MYT1: variants seen among roughly 807,000 people sequenced by gnomAD.
MYT1 encodes the protein myelin transcription factor 1, also known as myelin transcription factor I.
MYT1 carries 23 observed loss-of-function variants against 123.0 expected under a neutral mutation model. That is an observed-to-expected ratio of 0.19 (90% CI 0.13 to 0.26). The LOEUF (loss-of-function observed/expected upper bound fraction) is 0.26. Ranked by LOEUF, MYT1 falls within the 10% of genes least tolerant of loss-of-function variation. The pLI, the probability that MYT1 is intolerant of heterozygous loss-of-function variation, is 1.00. For synonymous variants in MYT1, 518 were observed against 575.3 expected, an observed-to-expected ratio of 0.90 and a Z score of 1.43; for missense variants, 1,125 against 1,472.5, an observed-to-expected ratio of 0.76 and a Z score of 3.86.
rs1005049542 is a variant in MYT1, at chr20:64,167,522, G to A, written c.-99+2783G>A. Among the ~76,000 whole-genome samples the A allele has an allele frequency of 3.3e-5, 5 of 152,130 alleles. No individual in the cohort carries two copies. Among genetic ancestry groups the A allele is most frequent in the Non-Finnish European group, 2.9e-5 (2 of 68,024 alleles). ...TGTGGGGTGGGTGGGGGCTGCTGGC[G>A]GTCACCTGATCTGCGAGCAGGCAGG... is the stretch of plus-strand genomic sequence containing the variant. On this transcript the variant is annotated intron_variant, in intron 1 of 22. Coordinates refer to ENST00000328439, the MANE Select transcript of MYT1 (RefSeq NM_004535.3). This position sits in a 1 kb window ranked among gnomAD's most constrained non-coding sequence, Gnocchi z 6.3.
intron 5 of MYT1, among the ~76,000 whole-genome samples, 183 bp from the exon 6 acceptor site, chr20:64,205,370 C>T (rs939357057): frequency 1.3e-5 from 2 of 151,886 alleles, no homozygotes; most frequent in Admixed American, 6.6e-5. Context: ...GCCATGTGGG[C>T]GAAGACAGAC....
Position 64,208,081 on chromosome 20 carries a change from G to T in MYT1, c.885G>T (p.Glu295Asp). ...EEEEEEEEEE[E>D]EEEEEEEEEE... ...AGGAGGAGGAGGAAGAGGAAGAGGAGGAGGAAGAGGAAGAGGAAGAGGAGG... is the reference window on the plus strand; with the variant it reads ...AGGAGGAGGAGGAAGAGGAAGAGGATGAGGAAGAGGAAGAGGAAGAGGAGG... The change falls in exon 7 of 23, where the codon GAG becomes GAT. Residue 295 changes from glutamate to aspartate, a missense_variant. Physicochemically the swap from Glu to Asp is conservative, Grantham distance 45 (BLOSUM62 2). Transcript: ENST00000328439. The surrounding 1 kb of genome is among the most constrained non-coding windows in gnomAD (Gnocchi z 5.4). 3.1e-6 allele frequency: 5 copies of T among 1,605,764 alleles called. No homozygotes were observed. The highest frequency in any genetic ancestry group is 2.2e-5 in the South Asian group (2 of 89,220).
intron 13 of MYT1, among the ~76,000 whole-genome samples, chr20:64,220,592 T>C (rs1983971655): frequency 6.6e-6 from 1 of 152,212 alleles, no homozygotes; most frequent in African/African-American, 2.4e-5. Context: ...CTGGGCTTTT[T>C]CCCAAGGAGG....
At position 64,239,795 on chromosome 20, in the gene MYT1, G is replaced by A; in HGVS notation, c.3129G>A (p.Glu1043=). The A allele has an allele frequency of 6.2e-7, 1 of 1,613,994 alleles. No individual in the cohort carries two copies. Among genetic ancestry groups the A allele is most frequent in the Non-Finnish European group, 8.5e-7 (1 of 1,180,010 alleles). The part of the protein sequence containing the change: ...SSMEKNLKNI[E]EENKLIEEQN... ...TGGAGAAGAACCTGAAGAACATCGA[G>A]GAGGAGAACAAGCTCATTGAGGAGC... is the stretch of plus-strand genomic sequence containing the variant. The change falls in exon 22 of 23, where the codon GAG becomes GAA. Residue 1043 remains glutamate (E), a synonymous_variant. Transcript: ENST00000328439.
In MYT1 at chr20:64,211,336, A is replaced by G; in HGVS notation, c.1422A>G (p.Pro474=). 3.7e-6 allele frequency: 6 copies of G among 1,612,682 alleles called. No homozygotes were observed. The highest frequency in any genetic ancestry group is 5.1e-6 in the Non-Finnish European group (6 of 1,178,986). Residue 474 remains proline, a synonymous_variant, in exon 8 of 23, where the codon CCA becomes CCG. Transcript: ENST00000328439. The part of the protein sequence containing the change: ...SGCPHKDRIP[P]EILAMHENVL... Reference sequence around the variant, plus strand: ...GTCCCCACAAGGATAGGATCCCCCCAGAGAGTGAGTAGCTCTGTGCAGCGT... The same window carrying G: ...GTCCCCACAAGGATAGGATCCCCCCGGAGAGTGAGTAGCTCTGTGCAGCGT...
intron 5 of MYT1, among the ~76,000 whole-genome samples, 169 bp downstream of exon 5, chr20:64,205,266 A>C (rs1463575871): frequency 1.4e-5 from 2 of 140,502 alleles, no homozygotes; most frequent in African/African-American, 4.9e-5. Context: ...CTGTGTGGCC[A>C]TGGGCGTGCC....
chr20:64,227,364 G>A (rs13038219), intron 16 of MYT1, 51 bp from the exon 17 acceptor site: 76,818 of 1,581,322 alleles, frequency 0.049, 2,339 homozygotes, highest in Middle Eastern at 0.14. Context: ...GCTCTGGGCC[G>A]GGGCTAAACG....
intron 21 of MYT1, among the ~76,000 whole-genome samples, chr20:64,239,023 C>G (rs1036481619): frequency 6.6e-6 from 1 of 152,226 alleles, no homozygotes; most frequent in Non-Finnish European, 1.5e-5. Context: ...GGAATGAGCT[C>G]CCCACTCCTG....
rs1983001716 is a variant in MYT1, at chr20:64,192,680, C to T, written c.-1+2520C>T. On this transcript the variant is annotated intron_variant, in intron 2 of 22. Transcript: ENST00000328439. The surrounding 1 kb of genome is among the most constrained non-coding windows in gnomAD (Gnocchi z 5.3). Reference sequence around the variant, plus strand: ...GAGCTGATGGTAGCTCCTCAACCCCCTTCTTGCCAAATATTCAGAGATATG... The same window carrying T: ...GAGCTGATGGTAGCTCCTCAACCCCTTTCTTGCCAAATATTCAGAGATATG... Among the ~76,000 whole-genome samples, 1 of 152,182 alleles carries T rather than the reference C, an allele frequency of 6.6e-6. No homozygotes were observed. Among genetic ancestry groups the T allele is most frequent in the Non-Finnish European group, 1.5e-5 (1 of 68,022 alleles).
chr20:64,210,321 C>G (rs939539952), intron 7 of MYT1, among the ~76,000 whole-genome samples: 1 of 152,332 alleles, frequency 6.6e-6, no homozygotes, highest in Non-Finnish European at 1.5e-5. Context: ...CGTGAACGTG[C>G]GGTTCTGGTT....
chr20:64,211,365 C>T (rs561105308), intron 8 of MYT1, 25 bp downstream of exon 8: 1 of 1,593,330 alleles, frequency 6.3e-7, no homozygotes, highest in Admixed American at 1.7e-5. Context: ...GCAGCGTTAG[C>T]CCTAACTGTG....
chr20:64,236,961 C>T (rs1185959671), intron 20 of MYT1, among the ~76,000 whole-genome samples: 1 of 152,108 alleles, frequency 6.6e-6, no homozygotes, highest in African/African-American at 2.4e-5. Context: ...GGCTCATTCC[C>T]CCTTAGGTGA....
At chr20:64,170,876 TATATATATAGAGAG>T (rs1165005757) in intron 1 of MYT1, among the ~76,000 whole-genome samples, 19 of 60,594 alleles carry the variant, frequency 3.1e-4, no homozygotes, top group African/African-American at 7.4e-4. Context: ...TATATATATA[TATATATATAGAGAG>T]AGAGAGAGAG....
Position 64,231,970 on chromosome 20 carries a change from C to T in MYT1, c.2676-194C>T, listed in dbSNP as rs1984332241. Reference sequence around the variant, plus strand: ...GCCAAAGCGGAAGAGGGAGCGTGGCCCGGGTCTTCACACTCAGCCCGGAAG... The same window carrying T: ...GCCAAAGCGGAAGAGGGAGCGTGGCTCGGGTCTTCACACTCAGCCCGGAAG... On this transcript the variant is annotated intron_variant, in intron 18 of 22. Coordinates refer to ENST00000328439, the MANE Select transcript of MYT1 (RefSeq NM_004535.3). This position sits in a 1 kb window ranked among gnomAD's most constrained non-coding sequence, Gnocchi z 6.4. Among the ~76,000 whole-genome samples, 2 of 152,166 alleles carry T rather than the reference C, an allele frequency of 1.3e-5. No individual in the cohort carries two copies. The highest frequency in any genetic ancestry group is 4.8e-5 in the African/African-American group (2 of 41,432).
intron 1 of MYT1, among the ~76,000 whole-genome samples, chr20:64,179,011 G>A (rs1225581205): frequency 1.4e-5 from 2 of 142,458 alleles, no homozygotes; most frequent in East Asian, 2.2e-4. Flanking sequence ...GCACTGAGCC[G>A]TTATTCGGTG....
At position 64,208,621 on chromosome 20, in the gene MYT1, A is replaced by T; in HGVS notation, c.1291+134A>T. On this transcript the variant is annotated intron_variant, in intron 7 of 22. Coordinates refer to ENST00000328439, the MANE Select transcript of MYT1 (RefSeq NM_004535.3). The surrounding 1 kb of genome is among the most constrained non-coding windows in gnomAD (Gnocchi z 5.4). ...GAAAAGCAGACAAAAGGACAAATAC[A>T]TGACACAGACTGTGGTCAGATACTG... 1 of 1,390,092 alleles carries T rather than the reference A, an allele frequency of 7.2e-7. No homozygotes were observed. The highest frequency in any genetic ancestry group is 2.6e-4 in the Middle Eastern group (1 of 3,820). The allele number at this position is 1,390,092 out of a possible 1,614,324, so 86.1% of individuals were successfully genotyped here. A position where few individuals can be genotyped will look rare whatever the true frequency, so the allele number is the denominator to read the frequency against.
chr20:64,184,752 C>G (rs1982748666), intron 1 of MYT1, among the ~76,000 whole-genome samples: 1 of 152,156 alleles, frequency 6.6e-6, no homozygotes, highest in Non-Finnish European at 1.5e-5. Flanking sequence ...CCAAGGATGA[C>G]CCTCAGGGTT....
At chr20:64,188,085 G>T (rs1982865083) in intron 1 of MYT1, among the ~76,000 whole-genome samples, 3 of 152,206 alleles carry the variant, frequency 2.0e-5, no homozygotes, top group Admixed American at 2.0e-4. Flanking sequence ...AGGGATGTGG[G>T]CAACGAAGAA....
Position 64,187,215 on chromosome 20 carries a change from C to T in MYT1, c.-98-2848C>T, listed in dbSNP as rs548756684. On this transcript the variant is annotated intron_variant, in intron 1 of 22. Transcript: ENST00000328439. ...TTCCGTGGAGACTTTTCCTGTAGCCCGTGGCCCCGGCATCCACGTTTCCAT... is the reference window on the plus strand; with the variant it reads ...TTCCGTGGAGACTTTTCCTGTAGCCTGTGGCCCCGGCATCCACGTTTCCAT... Among the ~76,000 whole-genome samples the T allele has an allele frequency of 1.6e-3, 215 of 133,404 alleles. 1 individual carries two copies. Among genetic ancestry groups the T allele is most frequent in the South Asian group, 3.6e-3 (14 of 3,916 alleles). 87.5% of individuals were successfully genotyped at this position (133,404 alleles called of 152,430 possible).
Sources: allele counts gnomAD v4.1 joint callset (sites outside exome capture counted in the v4.1 genomes callset), GRCh38; gene constraint gnomAD v4.1.1; non-coding constraint Gnocchi (gnomAD v3.1); transcripts MANE v1.5; gene names NCBI Gene and HGNC (gene_info 2026-07-23, HGNC 2026-07-21).